AP3B1: variants seen among roughly 807,000 people sequenced by gnomAD.
The protein encoded by AP3B1 is AP-3 complex subunit beta-1.
Under a neutral mutation model 132.5 loss-of-function variants are expected in AP3B1, and 61 were observed. That is an observed-to-expected ratio of 0.46 (90% CI 0.37 to 0.57). AP3B1 has a LOEUF of 0.57. Ranked by LOEUF, AP3B1 falls within the 20% of genes least tolerant of loss-of-function variation. The probability of loss-of-function intolerance (pLI) is 0.00; values close to 1 mark genes in which losing one functional copy is unlikely to be tolerated. For missense variants in AP3B1, 1,120 were observed against 1,289.4 expected, an observed-to-expected ratio of 0.87 and a Z score of 2.01; for synonymous variants, 388 against 438.3, an observed-to-expected ratio of 0.89 and a Z score of 1.43.
rs191188736 is a variant in AP3B1, at chr5:78,050,979, T to C, written c.2578-11705A>G. Among the ~76,000 whole-genome samples the C allele has an allele frequency of 2.0e-3, 307 of 152,262 alleles. 1 individual carries two copies. The highest frequency in any genetic ancestry group is 2.8e-3 in the Non-Finnish European group (187 of 67,992). On this transcript the variant is annotated intron_variant, in intron 22 of 26. Transcript: ENST00000255194. ...CCTCTACAAATCTTTACACAGCATA[T>C]GTTTAAATAATAAAAGTCGTTTGTG...
At chr5:78,021,647 G>T (rs1052308799) in intron 24 of AP3B1, among the ~76,000 whole-genome samples, 1 of 152,078 alleles carries the variant, frequency 6.6e-6, no homozygotes, top group African/African-American at 2.4e-5. Flanking sequence ...TATAATACAA[G>T]AAGTCTTAGA....
At chr5:78,198,355 G>A (rs1403530225) in intron 7 of AP3B1, among the ~76,000 whole-genome samples, 1 of 152,148 alleles carries the variant, frequency 6.6e-6, no homozygotes, top group Non-Finnish European at 1.5e-5. Flanking sequence ...CACAGGGTAG[G>A]TGCCTGAAAC....
chr5:78,061,726 C>T (rs1182875442), intron 22 of AP3B1, among the ~76,000 whole-genome samples: 1 of 152,192 alleles, frequency 6.6e-6, no homozygotes, highest in Non-Finnish European at 1.5e-5. Context: ...TTGACAAACT[C>T]GACATTTTAT....
intron 25 of AP3B1, among the ~76,000 whole-genome samples, chr5:78,020,314 C>T (rs532165669): frequency 1.3e-5 from 2 of 152,030 alleles, no homozygotes; most frequent in East Asian, 3.9e-4. Context: ...AAAAACAGTT[C>T]TATAGTGAAA....
At chr5:78,151,568 C>T (rs76702893) in intron 14 of AP3B1, among the ~76,000 whole-genome samples, 2,163 of 152,112 alleles carry the variant, frequency 0.014, 57 homozygotes, top group African/African-American at 0.049. Flanking sequence ...CAGGAAAGGA[C>T]GCTGAATTTT....
chr5:78,077,772 T>C (rs1389897681), intron 22 of AP3B1, among the ~76,000 whole-genome samples: 4 of 152,194 alleles, frequency 2.6e-5, no homozygotes, highest in African/African-American at 9.7e-5. Context: ...TAAGAGATCT[T>C]TGTCACCCAG....
chr5:78,119,352 C>A (rs138212812), intron 17 of AP3B1, among the ~76,000 whole-genome samples: 1 of 152,054 alleles, frequency 6.6e-6, no homozygotes, highest in South Asian at 2.1e-4. Flanking sequence ...ATGACGTTGA[C>A]GAGCTGAGAG....
intron 7 of AP3B1, among the ~76,000 whole-genome samples, chr5:78,209,372 A>T (rs1745641271): frequency 6.6e-6 from 1 of 152,172 alleles, no homozygotes; most frequent in African/African-American, 2.4e-5. Context: ...GCAAGATAAA[A>T]CTTTAGTCAC....
intron 21 of AP3B1, among the ~76,000 whole-genome samples, chr5:78,098,855 A>G (rs1320737844): frequency 6.6e-6 from 1 of 152,226 alleles, no homozygotes; most frequent in Non-Finnish European, 1.5e-5. Context: ...ACAATAATCA[A>G]GTACCAAAAT....
intron 26 of AP3B1, among the ~76,000 whole-genome samples, chr5:78,008,512 G>A (rs569236904): frequency 6.6e-5 from 10 of 152,126 alleles, no homozygotes; most frequent in Non-Finnish European, 1.3e-4. Flanking sequence ...GATGCTCAGG[G>A]CCTGCAGAGT....
intron 22 of AP3B1, among the ~76,000 whole-genome samples, chr5:78,078,872 G>T (rs905225501): frequency 6.6e-5 from 10 of 152,200 alleles, no homozygotes; most frequent in African/African-American, 2.4e-4. Flanking sequence ...CTTTCAGTCT[G>T]CATGTATGTT....
chr5:78,101,598 A>G (rs1045534093), intron 20 of AP3B1, among the ~76,000 whole-genome samples: 1 of 152,048 alleles, frequency 6.6e-6, no homozygotes, highest in Admixed American at 6.6e-5. Flanking sequence ...GAAAGGACTC[A>G]CTCACTTGAT....
chr5:78,041,065 C>T (rs1044544954), intron 22 of AP3B1, among the ~76,000 whole-genome samples: 4 of 151,620 alleles, frequency 2.6e-5, no homozygotes, highest in African/African-American at 4.9e-5. Context: ...ACCTGAGGTC[C>T]GGAGTCTGAG....
intron 22 of AP3B1, among the ~76,000 whole-genome samples, chr5:78,066,486 C>G (rs562096556): frequency 6.6e-6 from 1 of 152,260 alleles, no homozygotes; most frequent in African/African-American, 2.4e-5. Flanking sequence ...CCTGAAGGAA[C>G]TGAAAAACAC....
In AP3B1 at chr5:78,014,960, T is replaced by C. The variant is rs188123557; in HGVS notation, c.3131+450A>G. Among the ~76,000 whole-genome samples the C allele has an allele frequency of 7.0e-4, 106 of 152,306 alleles. 1 individual carries two copies. The highest frequency in any genetic ancestry group is 2.5e-3 in the African/African-American group (105 of 41,570). ...CCATGTTGGTCATCTAGCAGCTCTT[T>C]ATTTACTGGAAGCAGTCTCAGGGGA... On this transcript the variant is annotated intron_variant, in intron 26 of 26. Coordinates refer to ENST00000255194, the MANE Select transcript of AP3B1 (RefSeq NM_003664.5).
chr5:78,141,883 A>G (rs754803837), intron 14 of AP3B1, among the ~76,000 whole-genome samples: 7 of 152,190 alleles, frequency 4.6e-5, no homozygotes, highest in Admixed American at 6.6e-5. Context: ...TCTATGTTTT[A>G]ATTTAAAAAG....
At chr5:78,062,495 G>A (rs1047075770) in intron 22 of AP3B1, among the ~76,000 whole-genome samples, 3 of 152,100 alleles carry the variant, frequency 2.0e-5, no homozygotes, top group Non-Finnish European at 4.4e-5. Context: ...CTTTCAATAG[G>A]TGAATTCACT....
chr5:78,167,597 C>T (rs962534840), intron 11 of AP3B1, among the ~76,000 whole-genome samples: 49 of 151,672 alleles, frequency 3.2e-4, no homozygotes, highest in African/African-American at 1.2e-3. Context: ...AAATGCCCAT[C>T]AATCAACATG....
intron 22 of AP3B1, among the ~76,000 whole-genome samples, chr5:78,061,564 T>C (rs1445984824): frequency 6.6e-6 from 1 of 152,214 alleles, no homozygotes; most frequent in Admixed American, 6.5e-5. Context: ...TGCCTAGAAG[T>C]AAAATGAACC....
Sources: gnomAD v4.1 joint callset for allele counts (sites outside exome capture counted in the v4.1 genomes callset) on GRCh38, gnomAD v4.1.1 for gene constraint, MANE v1.5 for transcripts, NCBI Gene and HGNC (gene_info 2026-07-23, HGNC 2026-07-21) for gene names.